The following HRH1 variants were observed in gnomAD, a reference collection of about 807,000 sequenced individuals.
The protein encoded by HRH1 is histamine H1 receptor.
A neutral mutation model predicts 10.3 loss-of-function variants in HRH1; 6 were observed. That is an observed-to-expected ratio of 0.58 (90% CI 0.32 to 1.15). HRH1 has a LOEUF of 1.15. Ranked by LOEUF, HRH1 falls within the 50% of genes most tolerant of loss-of-function variation. The pLI, the probability that HRH1 is intolerant of heterozygous loss-of-function variation, is 0.05. For synonymous variants in HRH1, 242 were observed against 236.7 expected (o/e 1.02, Z -0.21); for missense variants, 514 against 615.3 (o/e 0.84, Z 1.74).
intron 1 of HRH1, among the ~76,000 whole-genome samples, chr3:11,201,675 A>G (rs1937916585): frequency 6.6e-6 from 1 of 152,174 alleles, no homozygotes. Flanking sequence ...GCTGTCTGAA[A>G]ATTCCAGGTG....
At chr3:11,251,174 C>T (rs944833005) in intron 1 of HRH1, among the ~76,000 whole-genome samples, 1 of 152,154 alleles carries the variant, frequency 6.6e-6, no homozygotes, top group African/African-American at 2.4e-5. Context: ...TGAGAAGAGG[C>T]AACATGTTTA....
At chr3:11,154,217 G>A (rs1936720605), upstream of HRH1, among the ~76,000 whole-genome samples, 1 of 152,216 alleles carries the variant, frequency 6.6e-6, no homozygotes, top group East Asian at 1.9e-4. This position sits in a 1 kb window ranked among gnomAD's most constrained non-coding sequence, Gnocchi z 4.4. Flanking sequence ...GGAGCAGTCC[G>A]CCTCGCAGAG....
intron 1 of HRH1, among the ~76,000 whole-genome samples, chr3:11,183,389 G>C (rs1292816148): frequency 6.6e-6 from 1 of 152,210 alleles, no homozygotes; most frequent in East Asian, 1.9e-4. Context: ...GCAATGTCTA[G>C]AGGCATTTTT....
rs371043768 is a variant in HRH1 at position 11,232,673 on chromosome 3, T to G, written c.-35-26330T>G. On this transcript the variant is annotated intron_variant, in intron 1 of 1. Coordinates refer to ENST00000431010, the MANE Select transcript of HRH1 (RefSeq NM_001098212.2). ...GTCTTGTCTATATCCGTAAGACATCTTGCTGATATTTTGATAAGAATTGTA... is the reference window on the plus strand; with the variant it reads ...GTCTTGTCTATATCCGTAAGACATCGTGCTGATATTTTGATAAGAATTGTA... Among the ~76,000 whole-genome samples the G allele has an allele frequency of 8.9e-4, 135 of 152,384 alleles. 1 individual carries two copies. In the South Asian group the frequency reaches 0.027, roughly 30 times the overall value.
intron 1 of HRH1, among the ~76,000 whole-genome samples, chr3:11,178,181 T>G (rs1937281905): frequency 6.6e-6 from 1 of 152,198 alleles, no homozygotes; most frequent in South Asian, 2.1e-4. Flanking sequence ...TCTTGTCCCC[T>G]CTGGGGCCCA....
chr3:11,204,662 T>A (rs954865979), intron 1 of HRH1, among the ~76,000 whole-genome samples: 1 of 152,140 alleles, frequency 6.6e-6, no homozygotes, highest in African/African-American at 2.4e-5. Flanking sequence ...CTTTACCAGG[T>A]GCTAACACAC....
Position 11,261,303 on chromosome 3 carries a change from A to G in HRH1, c.*802A>G, listed in dbSNP as rs1377686881. On this transcript the variant is annotated 3_prime_UTR_variant, in exon 2 of 2. Transcript: ENST00000431010. ...TTTGAATGGTTGCACGTTAAAAATT[A>G]AAAGAAGGAATGGGGGCAGAATGCC... 1 of 167,088 alleles carries G rather than the reference A, an allele frequency of 6.0e-6. No individual in the cohort carries two copies. Among genetic ancestry groups the G allele is most frequent in the Non-Finnish European group, 1.5e-5 (1 of 68,130 alleles). 10.4% of individuals were successfully genotyped at this position (167,088 alleles called of 1,614,324 possible).
At chr3:11,194,305 C>A (rs1937601555) in intron 1 of HRH1, among the ~76,000 whole-genome samples, 1 of 152,156 alleles carries the variant, frequency 6.6e-6, no homozygotes, top group Non-Finnish European at 1.5e-5. Flanking sequence ...TTCATTCCTG[C>A]AAGCCTAGCT....
At chr3:11,209,303 G>T (rs1441830118) in intron 1 of HRH1, among the ~76,000 whole-genome samples, 3 of 152,078 alleles carry the variant, frequency 2.0e-5, no homozygotes, top group Non-Finnish European at 2.9e-5. Context: ...TATTGCCCAG[G>T]CTGATCTTGA....
At chr3:11,199,775 C>A (rs113507206) in intron 1 of HRH1, among the ~76,000 whole-genome samples, 4 of 152,288 alleles carry the variant, frequency 2.6e-5, no homozygotes, top group African/African-American at 9.6e-5. Flanking sequence ...GACCACGTTG[C>A]TGGCTCCATT....
chr3:11,217,931 G>A (rs189299232), intron 1 of HRH1, among the ~76,000 whole-genome samples: 123 of 152,280 alleles, frequency 8.1e-4, no homozygotes, highest in Admixed American at 3.7e-3. Context: ...TTCACAGGAC[G>A]ATCACAGGAC....
At chr3:11,245,941 A>T (rs979534253) in intron 1 of HRH1, among the ~76,000 whole-genome samples, 1 of 151,952 alleles carries the variant, frequency 6.6e-6, no homozygotes, top group East Asian at 1.9e-4. Context: ...ATACACACTC[A>T]CACTCACTCA....
At chr3:11,152,296 T>G (rs541705876), upstream of HRH1, among the ~76,000 whole-genome samples, 6 of 152,170 alleles carry the variant, frequency 3.9e-5, no homozygotes, top group Non-Finnish European at 8.8e-5. Context: ...ATGTTGTTAG[T>G]AAGTTGATTG....
At chr3:11,199,959 C>A (rs1243734805) in intron 1 of HRH1, among the ~76,000 whole-genome samples, 2 of 152,214 alleles carry the variant, frequency 1.3e-5, no homozygotes, top group African/African-American at 4.8e-5. Context: ...CATGGGAAAC[C>A]TAATCCTGTT....
chr3:11,163,248 G>A (rs1936961589), intron 1 of HRH1, among the ~76,000 whole-genome samples: 1 of 152,052 alleles, frequency 6.6e-6, no homozygotes, highest in South Asian at 2.1e-4. Flanking sequence ...TCTACCTCCA[G>A]GCAGCCCCCT....
chr3:11,218,932 C>T (rs1278885585), intron 1 of HRH1, among the ~76,000 whole-genome samples: 1 of 152,024 alleles, frequency 6.6e-6, no homozygotes, highest in Non-Finnish European at 1.5e-5. Context: ...GCTCTGTTGC[C>T]CAGGCTGGAG....
chr3:11,148,964 G>A (rs996999944), intron 1 of HRH1, among the ~76,000 whole-genome samples: 1 of 152,040 alleles, frequency 6.6e-6, no homozygotes, highest in East Asian at 1.9e-4. Flanking sequence ...GCAGATGCTT[G>A]TCCTCTTCAT....
intron 1 of HRH1, among the ~76,000 whole-genome samples, chr3:11,183,284 C>T (rs1222485109): frequency 6.6e-6 from 1 of 152,152 alleles, no homozygotes; most frequent in South Asian, 2.1e-4. Flanking sequence ...TTCCTCACGG[C>T]GGCAGGGTCA....
At chr3:11,145,510 T>G (rs1936420282) in intron 1 of HRH1, among the ~76,000 whole-genome samples, 1 of 152,194 alleles carries the variant, frequency 6.6e-6, no homozygotes, top group South Asian at 2.1e-4. Context: ...TGGGGCTGCC[T>G]GCTTGCCTCT....
Sources: allele counts gnomAD v4.1 joint callset (sites outside exome capture counted in the v4.1 genomes callset), GRCh38; gene constraint gnomAD v4.1.1; non-coding constraint Gnocchi (gnomAD v3.1); transcripts MANE v1.5; gene names NCBI Gene and HGNC (gene_info 2026-07-23, HGNC 2026-07-21).